SETBP1: variants seen among roughly 807,000 people sequenced by gnomAD.
The protein encoded by SETBP1 is SET-binding protein.
In SETBP1, 9 loss-of-function variants were observed where a neutral mutation model predicts 101.0. The ratio of observed to expected loss-of-function variants is 0.09; its 90% CI spans 0.05 to 0.16. SETBP1 has a LOEUF of 0.16. Ranked by LOEUF, SETBP1 falls within the 10% of genes least tolerant of loss-of-function variation. The pLI, the probability that SETBP1 is intolerant of heterozygous loss-of-function variation, is 1.00. For missense variants in SETBP1, 1,858 were observed against 2,033.8 expected (o/e 0.91, Z 1.66); for synonymous variants, 818 against 788.5 (o/e 1.04, Z -0.63).
intron 2 of SETBP1, among the ~76,000 whole-genome samples, chr18:44,806,657 T>G (rs1402498913): frequency 7.7e-6 from 1 of 129,176 alleles, no homozygotes; most frequent in Non-Finnish European, 1.6e-5. Context: ...TTTTTTTTTT[T>G]TTTTTTTGGC....
intron 5 of SETBP1, among the ~76,000 whole-genome samples, chr18:45,038,963 A>C (rs1053739773): frequency 6.6e-6 from 1 of 152,152 alleles, no homozygotes; most frequent in Non-Finnish European, 1.5e-5. Flanking sequence ...AGGAATTACT[A>C]ATCTCTGCAT....
chr18:44,911,447 G>A (rs2070306784), intron 3 of SETBP1, among the ~76,000 whole-genome samples: 1 of 152,158 alleles, frequency 6.6e-6, no homozygotes, highest in African/African-American at 2.4e-5. Flanking sequence ...TCTCCAATAA[G>A]AGGAACTGAA....
At chr18:44,711,622 C>A (rs1316839558) in intron 2 of SETBP1, among the ~76,000 whole-genome samples, 2 of 151,346 alleles carry the variant, frequency 1.3e-5, no homozygotes, top group African/African-American at 4.9e-5. Context: ...AACTCCTGGG[C>A]TCAAGTGATC....
chr18:44,846,645 T>G (rs2072730681), intron 2 of SETBP1, among the ~76,000 whole-genome samples: 1 of 152,236 alleles, frequency 6.6e-6, no homozygotes, highest in South Asian at 2.1e-4. Context: ...GCCCTGCACA[T>G]GGATGACCCA....
intron 2 of SETBP1, among the ~76,000 whole-genome samples, chr18:44,725,445 G>A (rs2069685941): frequency 6.6e-6 from 1 of 152,134 alleles, no homozygotes; most frequent in Non-Finnish European, 1.5e-5. Flanking sequence ...TGGGGAAGTA[G>A]TTAGGAAACA....
chr18:44,794,547 C>T (rs1365906930), intron 2 of SETBP1, among the ~76,000 whole-genome samples: 1 of 152,120 alleles, frequency 6.6e-6, no homozygotes, highest in African/African-American at 2.4e-5. Flanking sequence ...TTAGACATTG[C>T]CCAGCACATC....
intron 3 of SETBP1, among the ~76,000 whole-genome samples, chr18:44,931,752 G>C (rs2070839713): frequency 6.6e-6 from 1 of 152,098 alleles, no homozygotes; most frequent in African/African-American, 2.4e-5. Flanking sequence ...TTAGAGACTA[G>C]GATTGCAACC....
intron 2 of SETBP1, among the ~76,000 whole-genome samples, chr18:44,786,897 C>G (rs2071249854): frequency 6.6e-6 from 1 of 152,182 alleles, no homozygotes; most frequent in African/African-American, 2.4e-5. Context: ...AGCTGTCGTG[C>G]TGAGGTTGCT....
intron 3 of SETBP1, among the ~76,000 whole-genome samples, chr18:44,899,669 G>T (rs1001760959): frequency 2.0e-5 from 3 of 152,096 alleles, no homozygotes; most frequent in Non-Finnish European, 2.9e-5. Context: ...TGAACAAGGG[G>T]CCTCACAACT....
At chr18:45,001,383 T>C (rs1348337925) in intron 4 of SETBP1, among the ~76,000 whole-genome samples, 1 of 152,220 alleles carries the variant, frequency 6.6e-6, no homozygotes, top group Admixed American at 6.5e-5. Context: ...AAATGTTAGT[T>C]GTTTGTGTTG....
chr18:44,886,226 G>T (rs910033240), intron 3 of SETBP1, among the ~76,000 whole-genome samples: 21 of 152,130 alleles, frequency 1.4e-4, no homozygotes, highest in Admixed American at 5.2e-4. Context: ...CACATGGGAG[G>T]TGCATACTTG....
At chr18:44,794,918 C>T (rs1189573916) in intron 2 of SETBP1, among the ~76,000 whole-genome samples, 1 of 152,200 alleles carries the variant, frequency 6.6e-6, no homozygotes, top group African/African-American at 2.4e-5. Flanking sequence ...GGATGCAAGA[C>T]ATTCTACCTA....
At chr18:44,861,918 T>A (rs1280724369) in intron 2 of SETBP1, among the ~76,000 whole-genome samples, 1 of 152,200 alleles carries the variant, frequency 6.6e-6, no homozygotes, top group Non-Finnish European at 1.5e-5. Flanking sequence ...ATAAGTTTCT[T>A]TGGGTTCATT....
intron 2 of SETBP1, among the ~76,000 whole-genome samples, chr18:44,737,266 C>A (rs1568117435): frequency 1.3e-5 from 2 of 152,196 alleles, no homozygotes; most frequent in African/African-American, 4.8e-5. Flanking sequence ...AACTTCTTGG[C>A]TGACTGAAAG....
intron 3 of SETBP1, among the ~76,000 whole-genome samples, chr18:44,886,905 GTCT>G (rs1302393064): frequency 6.6e-6 from 1 of 152,002 alleles, no homozygotes; most frequent in African/African-American, 2.4e-5. Flanking sequence ...CTAGCAAAAG[GTCT>G]TCTCACACTC....
At chr18:44,919,583 C>T (rs986242130) in intron 3 of SETBP1, among the ~76,000 whole-genome samples, 8 of 151,960 alleles carry the variant, frequency 5.3e-5, no homozygotes, top group African/African-American at 1.5e-4. Flanking sequence ...CTCTTGACCT[C>T]GTGATCCACC....
intron 2 of SETBP1, among the ~76,000 whole-genome samples, chr18:44,755,881 G>A (rs1047998597): frequency 1.3e-5 from 2 of 152,202 alleles, no homozygotes; most frequent in Admixed American, 6.5e-5. Flanking sequence ...TGGTTCTTCT[G>A]TGTACGTGTT....
intron 2 of SETBP1, among the ~76,000 whole-genome samples, chr18:44,823,127 C>T (rs2072153223): frequency 1.3e-5 from 2 of 151,614 alleles, no homozygotes; most frequent in African/African-American, 4.8e-5. Flanking sequence ...TGAGACTTCT[C>T]CAAAAAAAAG....
At chr18:44,926,559 G>A (rs1333041981) in intron 3 of SETBP1, among the ~76,000 whole-genome samples, 2 of 152,104 alleles carry the variant, frequency 1.3e-5, no homozygotes, top group African/African-American at 4.8e-5. Flanking sequence ...ATTTCTGAAT[G>A]CCATTCCCAG....
Sources: allele counts gnomAD v4.1 joint callset (sites outside exome capture counted in the v4.1 genomes callset), GRCh38; gene constraint gnomAD v4.1.1; transcripts MANE v1.5; gene names NCBI Gene and HGNC (gene_info 2026-07-23, HGNC 2026-07-21).